Variants in DMD observed in about 807,000 individuals in gnomAD.
DMD encodes mutant dystrophin.
In DMD, 63 loss-of-function variants were observed where a neutral mutation model predicts 330.1. The observed-to-expected ratio is 0.19, with a 90% CI of 0.16 to 0.24. The LOEUF (loss-of-function observed/expected upper bound fraction) is 0.24, where lower values mean the gene tolerates loss of function less well. Among genes scored for constraint, DMD ranks in the 10% least tolerant of loss-of-function variants. DMD has a pLI of 1.00. For missense variants in DMD, 3,344 were observed against 2,684.1 expected, an observed-to-expected ratio of 1.25 and a Z score of -5.43; for synonymous variants, 1,223 against 959.8, an observed-to-expected ratio of 1.27 and a Z score of -5.07.
chrX:32,950,383 G>C (rs1288531316), intron 2 of DMD, among the ~76,000 whole-genome samples: 5 of 111,285 alleles, frequency 4.5e-5, no homozygotes, highest in Non-Finnish European at 9.4e-5. Context: ...AAGTAGCAAA[G>C]CTGGAATTCA....
chrX:31,302,194 A>C (rs749025353), intron 62 of DMD, among the ~76,000 whole-genome samples: 1 of 111,970 alleles, frequency 8.9e-6, no homozygotes, highest in Non-Finnish European at 1.9e-5. Context: ...TACGCTATCT[A>C]AGATGCCTGA....
chrX:31,345,887 A>T (rs1246191081), intron 61 of DMD, among the ~76,000 whole-genome samples: 1 of 111,879 alleles, frequency 8.9e-6, no homozygotes, highest in Admixed American at 9.6e-5. Context: ...AGAAAATAAG[A>T]TACTTCTTCT....
At position 32,809,505 on chromosome X, in the gene DMD, G is replaced by A; in HGVS notation, c.637C>T (p.Leu213Phe). The part of the protein sequence containing the change: ...ARYQLGIEKL[L>F]DPEDVDTTYP... ...GAAATTTACCAACCTTCAGGATCGA[G>A]TAGTTTCTCTATGCCTAATTGATAT... The change falls in exon 7 of 79, where the codon CTC (leucine) becomes TTC (phenylalanine). Residue 213 changes from leucine (L) to phenylalanine (F), a missense_variant. Coordinates refer to ENST00000357033, the MANE Select transcript of DMD (RefSeq NM_004006.3). 8.3e-7 allele frequency: 1 copy of A among 1,209,125 alleles called. No individual in the cohort carries two copies. The highest frequency in any genetic ancestry group is 1.1e-6 in the Non-Finnish European group (1 of 893,270).
At chrX:33,026,772 C>A (rs2094012838) in intron 1 of DMD, among the ~76,000 whole-genome samples, 1 of 111,698 alleles carries the variant, frequency 9.0e-6, no homozygotes, top group South Asian at 3.7e-4. Flanking sequence ...TCTTTATTTC[C>A]CATTCGCTTT....
intron 60 of DMD, among the ~76,000 whole-genome samples, chrX:31,361,222 T>C (rs1356925603): frequency 9.0e-6 from 1 of 111,474 alleles, no homozygotes; most frequent in Non-Finnish European, 1.9e-5. Context: ...CTTGAGCTGG[T>C]TTGTTGAGGG....
At chrX:33,305,293 C>T (rs1284044247) in intron 1 of DMD, among the ~76,000 whole-genome samples, 1 of 106,833 alleles carries the variant, frequency 9.4e-6, no homozygotes, top group Non-Finnish European at 1.9e-5. Context: ...TGGAAATCAT[C>T]ATTCTCAGCA....
At chrX:32,219,830 G>T (rs763403014) in intron 43 of DMD, among the ~76,000 whole-genome samples, 12 of 111,631 alleles carry the variant, frequency 1.1e-4, no homozygotes, top group African/African-American at 3.6e-4. Context: ...AAAGATTTTC[G>T]ATTTCAAACC....
chrX:31,844,292 T>C (rs1308372286), intron 48 of DMD, among the ~76,000 whole-genome samples: 8 of 60,273 alleles, frequency 1.3e-4, no homozygotes, highest in African/African-American at 5.7e-4. Context: ...TAGGGAGTCC[T>C]TTCCCCATTT....
chrX:31,179,854 T>C (rs1381212741), intron 69 of DMD, among the ~76,000 whole-genome samples: 2 of 112,224 alleles, frequency 1.8e-5, no homozygotes, highest in Non-Finnish European at 3.8e-5. Flanking sequence ...ATAAAAATCA[T>C]AGTACTTATT....
At chrX:32,543,753 G>C (rs905861743) in intron 17 of DMD, among the ~76,000 whole-genome samples, 1 of 111,762 alleles carries the variant, frequency 8.9e-6, no homozygotes, top group South Asian at 3.7e-4. Flanking sequence ...GCCACAAAAA[G>C]AATGCTAATA....
chrX:32,794,314 G>A (rs1178083556), intron 7 of DMD, among the ~76,000 whole-genome samples: 1 of 112,310 alleles, frequency 8.9e-6, no homozygotes, highest in East Asian at 2.8e-4. Flanking sequence ...GAATGGTCAG[G>A]CGTGGTGGCT....
intron 54 of DMD, among the ~76,000 whole-genome samples, chrX:31,650,355 T>A (rs1393440372): frequency 9.0e-6 from 1 of 111,183 alleles, no homozygotes; most frequent in African/African-American, 3.3e-5. Flanking sequence ...TAGCATTCTA[T>A]CATATTTTTG....
At chrX:32,824,646 G>C (rs2078545122) in intron 4 of DMD, among the ~76,000 whole-genome samples, 1 of 111,501 alleles carries the variant, frequency 9.0e-6, no homozygotes, top group Admixed American at 9.6e-5. Flanking sequence ...GGCAATATGA[G>C]GGACCCTTGT....
intron 9 of DMD, among the ~76,000 whole-genome samples, chrX:32,683,309 T>C (rs1051949508): frequency 2.7e-5 from 3 of 110,579 alleles, no homozygotes; most frequent in African/African-American, 6.6e-5. Context: ...ACCCAAAGGA[T>C]TATAAATCAT....
In DMD at chrX:31,121,843, CCTT is replaced by C. The variant is rs1326876639; in HGVS notation, c.*73_*75del. ...GGAGTTGTAAAACATTTATTCTGCT[CCTT>C]CTTCATCTGTCATGACTGATACTAA... On this transcript the variant is annotated 3_prime_UTR_variant, in exon 79 of 79. Transcript: ENST00000357033. 1 of 1,194,585 alleles carries C rather than the reference CCTT, an allele frequency of 8.4e-7. No homozygotes were observed. The highest frequency in any genetic ancestry group is 1.1e-6 in the Non-Finnish European group (1 of 880,186).
chrX:32,558,368 G>A (rs1158637953), intron 16 of DMD, among the ~76,000 whole-genome samples: 2 of 111,760 alleles, frequency 1.8e-5, no homozygotes, highest in South Asian at 3.7e-4. Context: ...AATTAGGGAT[G>A]GATATTATCA....
At chrX:32,803,040 T>C (rs1227469819) in intron 7 of DMD, among the ~76,000 whole-genome samples, 1 of 111,950 alleles carries the variant, frequency 8.9e-6, no homozygotes, top group Non-Finnish European at 1.9e-5. Context: ...TCAGAAGGAA[T>C]GGTACTAGCT....
intron 1 of DMD, among the ~76,000 whole-genome samples, chrX:33,033,370 G>C (rs2094147294): frequency 9.3e-6 from 1 of 107,754 alleles, no homozygotes; most frequent in East Asian, 2.9e-4. Flanking sequence ...TCTATATCTT[G>C]ATTGACTAAT....
intron 2 of DMD, among the ~76,000 whole-genome samples, chrX:32,881,874 ACT>A (rs1320613115): frequency 9.0e-6 from 1 of 110,993 alleles, no homozygotes; most frequent in Non-Finnish European, 1.9e-5. Flanking sequence ...TTACTGACTG[ACT>A]CTCAGAATCT....
Sources: allele counts gnomAD v4.1 joint callset (sites outside exome capture counted in the v4.1 genomes callset), GRCh38; gene constraint gnomAD v4.1.1; transcripts MANE v1.5; gene names NCBI Gene and HGNC (gene_info 2026-07-23, HGNC 2026-07-21).